LGMN: variants seen among roughly 807,000 people sequenced by gnomAD.
LGMN encodes legumain.
In LGMN, 36 loss-of-function variants were observed where a neutral mutation model predicts 56.8. The observed-to-expected ratio is 0.63, with a 90% CI of 0.49 to 0.84. The LOEUF is 0.84. Ranked by LOEUF, LGMN falls within the 40% of genes least tolerant of loss-of-function variation. The pLI is 0.00. For synonymous variants in LGMN, 199 were observed against 210.1 expected (o/e 0.95, Z 0.46); for missense variants, 446 against 556.1 (o/e 0.80, Z 1.99).
chr14:92,736,095 A>G (rs1279574259), intron 1 of LGMN, among the ~76,000 whole-genome samples: 1 of 152,202 alleles, frequency 6.6e-6, no homozygotes, highest in Non-Finnish European at 1.5e-5. Flanking sequence ...GAAAGAACAC[A>G]TTACTCTACA....
At chr14:92,719,152 GCCACTGCCACCACCA>G (rs1345316278) in intron 2 of LGMN, among the ~76,000 whole-genome samples, 5 of 67,046 alleles carry the variant, frequency 7.5e-5, no homozygotes, top group African/African-American at 1.8e-4. Context: ...CACCACCACC[GCCACTGCCACCACCA>G]CCACCACCAC....
At chr14:92,715,496 G>A (rs866196339) in intron 5 of LGMN, among the ~76,000 whole-genome samples, 4 of 152,310 alleles carry the variant, frequency 2.6e-5, no homozygotes, top group Middle Eastern at 6.8e-3. Flanking sequence ...GATTACAGGC[G>A]TGAGCCACTG....
intron 2 of LGMN, among the ~76,000 whole-genome samples, chr14:92,730,353 G>C (rs1252330497): frequency 2.0e-5 from 3 of 152,168 alleles, no homozygotes; most frequent in Non-Finnish European, 4.4e-5. Context: ...CATTCATTCC[G>C]TGAATGTAAA....
At chr14:92,719,998 C>T (rs960341677) in intron 2 of LGMN, among the ~76,000 whole-genome samples, 6 of 152,216 alleles carry the variant, frequency 3.9e-5, no homozygotes, top group Admixed American at 6.5e-5. Flanking sequence ...CAACACTGAG[C>T]ACAGCAATAA....
intron 11 of LGMN, 66 bp downstream of exon 11, chr14:92,709,606 C>T: frequency 7.5e-7 from 1 of 1,328,466 alleles, no homozygotes; most frequent in Non-Finnish European, 1.1e-6. Context: ...CAGGGCCGTG[C>T]TCATGCATGC....
chr14:92,720,553 G>A (rs773335394), intron 2 of LGMN, among the ~76,000 whole-genome samples: 1 of 152,226 alleles, frequency 6.6e-6, no homozygotes. Context: ...TGTAATCCTA[G>A]CTACTTGGGA....
At chr14:92,719,073 C>CT (rs1210363273) in intron 2 of LGMN, among the ~76,000 whole-genome samples, 1 of 152,062 alleles carries the variant, frequency 6.6e-6, no homozygotes, top group African/African-American at 2.4e-5. Context: ...CACACGTGGG[C>CT]TACGTACACA....
chr14:92,720,601 C>T (rs1425411138), intron 2 of LGMN, among the ~76,000 whole-genome samples: 1 of 152,184 alleles, frequency 6.6e-6, no homozygotes, highest in Non-Finnish European at 1.5e-5. Flanking sequence ...CGGGAGGCGG[C>T]GGTTGCAGTG....
At chr14:92,722,715 T>A (rs1176395984) in intron 2 of LGMN, among the ~76,000 whole-genome samples, 2 of 152,150 alleles carry the variant, frequency 1.3e-5, no homozygotes, top group Non-Finnish European at 2.9e-5. Context: ...AAAACATATA[T>A]CGGATAAAGG....
chr14:92,741,807 G>A (rs1336311362), intron 1 of LGMN: 1 of 152,304 alleles, frequency 6.6e-6, no homozygotes. Flanking sequence ...CGGTTGCAGT[G>A]AGCTGAGATT....
At chr14:92,722,626 A>G (rs1178908653) in intron 2 of LGMN, among the ~76,000 whole-genome samples, 5 of 152,184 alleles carry the variant, frequency 3.3e-5, no homozygotes, top group Non-Finnish European at 5.9e-5. Context: ...TGGCTTAGCA[A>G]AATTAAAACC....
At chr14:92,706,436 G>A (rs1216268301) in intron 12 of LGMN, 47 bp downstream of exon 12, 1 of 1,427,924 alleles carries the variant, frequency 7.0e-7, no homozygotes, top group Non-Finnish European at 9.4e-7. Context: ...GGGACAATAT[G>A]AATTCAGCTT....
intron 2 of LGMN, among the ~76,000 whole-genome samples, chr14:92,720,291 C>A (rs1253429403): frequency 6.6e-6 from 1 of 152,214 alleles, no homozygotes; most frequent in Non-Finnish European, 1.5e-5. Flanking sequence ...AGGTAATGAT[C>A]CCCATTTTAT....
Position 92,717,390 on chromosome 14 carries a change from T to C in LGMN, c.308A>G (p.Tyr103Cys). Residue 103 changes from tyrosine (Y) to cysteine (C), a missense_variant, in exon 4 of 14, where the codon TAC becomes TGC. Coordinates refer to ENST00000334869, the MANE Select transcript of LGMN (RefSeq NM_005606.7). ...TDVYQGVPKD[Y>C]TGEDVTPQNF... ...GTAGAAGCCACTCACCTCTCCAGTG[T>C]AGTCCTTCGGGACTCCCTGATAGAC... is the stretch of plus-strand genomic sequence containing the variant. 1 of 1,609,048 alleles carries C rather than the reference T, an allele frequency of 6.2e-7. No homozygotes were observed. Among genetic ancestry groups the C allele is most frequent in the Non-Finnish European group, 8.5e-7 (1 of 1,175,724 alleles).
intron 11 of LGMN, among the ~76,000 whole-genome samples, chr14:92,708,020 G>A (rs559561095): frequency 5.3e-5 from 8 of 152,086 alleles, no homozygotes; most frequent in Admixed American, 2.0e-4. Context: ...GCGTGGTGAC[G>A]GGTGCCTGTA....
chr14:92,743,004 G>T (rs1465579149), intron 1 of LGMN: 1 of 148,124 alleles, frequency 6.8e-6, no homozygotes, highest in Non-Finnish European at 1.5e-5. Flanking sequence ...GTGAGAGAGC[G>T]AGACCTCTGT....
chr14:92,747,213 G>A (rs1429371455), intron 1 of LGMN, among the ~76,000 whole-genome samples: 1 of 152,076 alleles, frequency 6.6e-6, no homozygotes, highest in African/African-American at 2.4e-5. Flanking sequence ...AAACTCCAAG[G>A]CGAGACGTGG....
At chr14:92,734,192 GGA>G (rs1394002460) in intron 1 of LGMN, among the ~76,000 whole-genome samples, 1 of 148,084 alleles carries the variant, frequency 6.8e-6, no homozygotes, top group African/African-American at 2.4e-5. Flanking sequence ...TTTACAGAAA[GGA>G]GAGGTTAGGG....
intron 1 of LGMN, among the ~76,000 whole-genome samples, chr14:92,734,500 C>A (rs1046866007): frequency 2.0e-5 from 3 of 152,056 alleles, no homozygotes; most frequent in African/African-American, 7.2e-5. Context: ...ATTAGCCAGG[C>A]GTGGTGGCAG....
Sources: allele counts gnomAD v4.1 joint callset (sites outside exome capture counted in the v4.1 genomes callset), GRCh38; gene constraint gnomAD v4.1.1; transcripts MANE v1.5; gene names NCBI Gene and HGNC (gene_info 2026-07-23, HGNC 2026-07-21).